The following CAST variants were observed in gnomAD, a reference collection of about 807,000 sequenced individuals.
CAST encodes calpastatin, also known as MIR583 host.
In CAST, 76 loss-of-function variants were observed where a neutral mutation model predicts 119.6. The observed-to-expected ratio is 0.64, with a 90% confidence interval of 0.53 to 0.77. CAST has a LOEUF of 0.77. Among genes scored for constraint, CAST ranks in the 30% least tolerant of loss-of-function variants. The pLI is 0.00. For missense variants in CAST, 953 were observed against 946.5 expected (o/e 1.01, Z -0.09); for synonymous variants, 319 against 331.6 (o/e 0.96, Z 0.41).
the CAST span, among the ~76,000 whole-genome samples, chr5:96,317,159 G>A: frequency 5.9e-5 from 9 of 152,066 alleles, no homozygotes; most frequent in South Asian, 6.2e-4. Flanking sequence ...CAAGTCACAC[G>A]TACATTATAA....
At chr5:96,070,916 A>G in the CAST span, among the ~76,000 whole-genome samples, 8 of 152,186 alleles carry the variant, frequency 5.3e-5, no homozygotes, top group Non-Finnish European at 5.9e-5. Flanking sequence ...GGGAGGTATA[A>G]GGAGAATCCA....
chr5:96,559,726 C>G (rs1000711018), intron 1 of CAST, among the ~76,000 whole-genome samples: 13 of 152,184 alleles, frequency 8.5e-5, no homozygotes, highest in Non-Finnish European at 1.5e-4. Context: ...AATGGAAGAA[C>G]ATTCCATGCT....
intron 1 of CAST, among the ~76,000 whole-genome samples, chr5:96,533,939 T>G (rs1299593983): frequency 1.3e-5 from 2 of 152,222 alleles, no homozygotes; most frequent in African/African-American, 4.8e-5. Context: ...TAGTCAAACT[T>G]AAAGTTTTAG....
chr5:96,046,857 C>A, the CAST span, among the ~76,000 whole-genome samples: 1 of 152,180 alleles, frequency 6.6e-6, no homozygotes, highest in South Asian at 2.1e-4. Context: ...GAGGAAGAAG[C>A]AAAAGTGGAA....
chr5:96,127,139 G>A, the CAST span, among the ~76,000 whole-genome samples: 9 of 152,030 alleles, frequency 5.9e-5, no homozygotes, highest in East Asian at 5.8e-4. Flanking sequence ...CAAGGTGAGC[G>A]TAATATATAG....
the CAST span, among the ~76,000 whole-genome samples, chr5:96,148,078 G>A: frequency 6.6e-6 from 1 of 152,186 alleles, no homozygotes; most frequent in African/African-American, 2.4e-5. Flanking sequence ...GACACTGTGA[G>A]AGGGACTATT....
the CAST span, among the ~76,000 whole-genome samples, chr5:96,029,634 C>T: frequency 1.3e-5 from 2 of 152,026 alleles, no homozygotes; most frequent in South Asian, 2.1e-4. Flanking sequence ...TAAATAACAT[C>T]TTACTCTTTT....
the CAST span, among the ~76,000 whole-genome samples, chr5:96,475,197 G>A: frequency 6.6e-6 from 1 of 152,174 alleles, no homozygotes; most frequent in Non-Finnish European, 1.5e-5. Context: ...CCTCATCCCA[G>A]TCTGGGGAAA....
chr5:96,644,556 G>C (rs1435937475), intron 1 of CAST, among the ~76,000 whole-genome samples: 1 of 152,148 alleles, frequency 6.6e-6, no homozygotes, highest in African/African-American at 2.4e-5. Flanking sequence ...CATAAAAGTT[G>C]TGCAGGTGGT....
At chr5:96,335,382 T>C in the CAST span, among the ~76,000 whole-genome samples, 1 of 152,200 alleles carries the variant, frequency 6.6e-6, no homozygotes, top group African/African-American at 2.4e-5. Flanking sequence ...TCTGGGGCAT[T>C]TGGCCATGTT....
chr5:96,281,224 A>G, the CAST span, among the ~76,000 whole-genome samples: 3 of 152,198 alleles, frequency 2.0e-5, no homozygotes, highest in African/African-American at 7.2e-5. Flanking sequence ...ACAGAAACTC[A>G]AGTTTTAACA....
chr5:96,434,195 A>C, the CAST span: 1 of 152,220 alleles, frequency 6.6e-6, no homozygotes, highest in African/African-American at 2.4e-5. Flanking sequence ...GAGAGCAAGG[A>C]AACATCTAAA....
intron 1 of CAST, among the ~76,000 whole-genome samples, chr5:96,613,334 A>C (rs1747395958): frequency 1.3e-5 from 2 of 152,158 alleles, no homozygotes; most frequent in Admixed American, 6.6e-5. Flanking sequence ...CCTTTCATTT[A>C]AGTATTCTCG....
chr5:96,433,205 C>T, the CAST span: 5 of 688,952 alleles, frequency 7.3e-6, no homozygotes, highest in South Asian at 1.6e-5. Flanking sequence ...AGAGGCTGGG[C>T]GGCGGCGAGC....
the CAST span, among the ~76,000 whole-genome samples, chr5:96,221,697 A>T: frequency 6.6e-6 from 1 of 152,126 alleles, no homozygotes; most frequent in Admixed American, 6.6e-5. Flanking sequence ...AGCAATATAC[A>T]TATTCAATGC....
At chr5:96,178,054 A>T in the CAST span, among the ~76,000 whole-genome samples, 1 of 152,250 alleles carries the variant, frequency 6.6e-6, no homozygotes. Context: ...TATAATTCAA[A>T]CATGAGAAGA....
At chr5:96,486,702 T>G in the CAST span, among the ~76,000 whole-genome samples, 68,564 of 151,704 alleles carry the variant, frequency 0.45, 15,868 homozygotes, top group African/African-American at 0.56. Flanking sequence ...GGATCTTTTG[T>G]GTTGGGGGGG....
chr5:96,483,363 C>T, the CAST span, among the ~76,000 whole-genome samples: 1 of 152,228 alleles, frequency 6.6e-6, no homozygotes. Flanking sequence ...GGATGTGTAT[C>T]GGTCATGCAC....
chr5:96,502,661 TTTC>T, the CAST span, among the ~76,000 whole-genome samples: 6 of 139,044 alleles, frequency 4.3e-5, no homozygotes, highest in African/African-American at 1.5e-4. Flanking sequence ...TCTTTCTTTC[TTTC>T]TTCTATCCAT....
Sources: allele counts gnomAD v4.1 joint callset (sites outside exome capture counted in the v4.1 genomes callset), GRCh38; gene constraint gnomAD v4.1.1; transcripts MANE v1.5; gene names NCBI Gene and HGNC (gene_info 2026-07-23, HGNC 2026-07-21).